ZFPM2: variants seen among roughly 807,000 people sequenced by gnomAD.
ZFPM2 encodes zinc finger protein ZFPM2.
In ZFPM2, 20 loss-of-function variants were observed where a neutral mutation model predicts 98.6. That is an observed-to-expected ratio of 0.20 (90% CI 0.14 to 0.29). The LOEUF is 0.29. Ranked by LOEUF, ZFPM2 falls within the 10% of genes least tolerant of loss-of-function variation. The pLI is 1.00. For synonymous variants in ZFPM2, 518 were observed against 502.7 expected (o/e 1.03, Z -0.41); for missense variants, 1,310 against 1,388.6 (o/e 0.94, Z 0.90).
intron 1 of ZFPM2, among the ~76,000 whole-genome samples, chr8:105,403,000 C>A (rs574073952): frequency 6.6e-6 from 1 of 151,672 alleles, no homozygotes; most frequent in Non-Finnish European, 1.5e-5. Flanking sequence ...TTTTGTTGTT[C>A]TTTATTTTTT....
intron 4 of ZFPM2, among the ~76,000 whole-genome samples, chr8:105,613,872 A>T (rs1353841433): frequency 1.3e-5 from 2 of 152,324 alleles, no homozygotes; most frequent in East Asian, 3.9e-4. Flanking sequence ...TGGAAGGTAC[A>T]TGAGAAGTTA....
At chr8:105,634,192 A>G (rs1816803683) in intron 4 of ZFPM2, 54 bp from the exon 5 acceptor site, 1 of 1,349,024 alleles carries the variant, frequency 7.4e-7, no homozygotes. Context: ...TTATTATTCA[A>G]GTTTTTAATC....
intron 3 of ZFPM2, among the ~76,000 whole-genome samples, chr8:105,479,115 T>C (rs1813067253): frequency 6.6e-6 from 1 of 152,236 alleles, no homozygotes; most frequent in South Asian, 2.1e-4. Context: ...TGATCTTAGC[T>C]GACGATGGTA....
At chr8:105,682,341 G>A (rs563742541) in intron 5 of ZFPM2, among the ~76,000 whole-genome samples, 5 of 152,270 alleles carry the variant, frequency 3.3e-5, no homozygotes, top group Non-Finnish European at 7.4e-5. Flanking sequence ...ACCCATGATG[G>A]ACATCTGGGG....
At chr8:105,625,667 G>A (rs1173026526) in intron 4 of ZFPM2, among the ~76,000 whole-genome samples, 5 of 150,650 alleles carry the variant, frequency 3.3e-5, no homozygotes, top group African/African-American at 9.8e-5. Context: ...TGCAACCTCC[G>A]CCTCCCAGGT....
chr8:105,689,976 T>G (rs1282374381), intron 5 of ZFPM2, among the ~76,000 whole-genome samples: 1 of 152,146 alleles, frequency 6.6e-6, no homozygotes, highest in Non-Finnish European at 1.5e-5. Context: ...TATTTACTCT[T>G]CCAGTGACAT....
rs147396731 is a variant in ZFPM2, at chr8:105,351,330, T to C, written c.40+32349T>C. Among the ~76,000 whole-genome samples, 21 of 151,382 alleles carry C rather than the reference T, an allele frequency of 1.4e-4. No individual in the cohort carries two copies. In the East Asian group the frequency reaches 3.3e-3, roughly 24 times the overall value. ...GCTATACTATATTTTAAAATTAGTG[T>C]TCTCTTTTATAGTTGCATTATTTCG... On this transcript the variant is annotated intron_variant, in intron 1 of 7. Transcript: ENST00000407775.
chr8:105,534,117 C>T (rs1024765443), intron 3 of ZFPM2, among the ~76,000 whole-genome samples: 4 of 21,630 alleles, frequency 1.8e-4, no homozygotes, highest in South Asian at 2.7e-3. Flanking sequence ...CTTCCTTCCT[C>T]CCTTCCTTCC....
chr8:105,438,588 A>AT, intron 2 of ZFPM2, among the ~76,000 whole-genome samples: 1 of 152,160 alleles, frequency 6.6e-6, no homozygotes, highest in East Asian at 1.9e-4. Context: ...TTAATAAAAT[A>AT]TTTTGGGGTA....
intron 3 of ZFPM2, 58 bp from the exon 4 acceptor site, chr8:105,561,305 G>T: frequency 3.1e-6 from 4 of 1,304,838 alleles, no homozygotes; most frequent in Non-Finnish European, 4.4e-6. Context: ...ACAAAAAGAG[G>T]TGGCTGCTGA....
chr8:105,665,416 A>T (rs1234355351), intron 5 of ZFPM2, among the ~76,000 whole-genome samples: 1 of 152,086 alleles, frequency 6.6e-6, no homozygotes, highest in Admixed American at 6.5e-5. Context: ...TAATTGTTGG[A>T]TTTTGTGTTT....
At chr8:105,477,237 C>CT (rs397891589) in intron 3 of ZFPM2, among the ~76,000 whole-genome samples, 2,140 of 74,332 alleles carry the variant, frequency 0.029, 119 homozygotes, top group African/African-American at 0.069. Context: ...TGCTAGCAAT[C>CT]TTTTTTTTTT....
chr8:105,635,101 T>C (rs182007609), intron 5 of ZFPM2, among the ~76,000 whole-genome samples: 1 of 152,300 alleles, frequency 6.6e-6, no homozygotes, highest in Non-Finnish European at 1.5e-5. Flanking sequence ...AGCTCTGTAC[T>C]CTTACAGTAT....
At chr8:105,722,172 G>A (rs1456987914) in intron 5 of ZFPM2, among the ~76,000 whole-genome samples, 2 of 151,550 alleles carry the variant, frequency 1.3e-5, no homozygotes, top group Admixed American at 1.3e-4. Flanking sequence ...CAACACAAAG[G>A]CCTTGTACCC....
At chr8:105,778,772 A>C (rs1348505810) in intron 5 of ZFPM2, among the ~76,000 whole-genome samples, 1 of 152,202 alleles carries the variant, frequency 6.6e-6, no homozygotes, top group African/African-American at 2.4e-5. Flanking sequence ...ATTTTATGCA[A>C]GAGCTATTTA....
intron 3 of ZFPM2, among the ~76,000 whole-genome samples, chr8:105,558,672 A>C (rs144346641): frequency 6.6e-6 from 1 of 152,296 alleles, no homozygotes; most frequent in East Asian, 1.9e-4. Flanking sequence ...TTTTCAAATG[A>C]AATATGTCAG....
chr8:105,694,266 C>G (rs377684697), intron 5 of ZFPM2, among the ~76,000 whole-genome samples: 15 of 152,008 alleles, frequency 9.9e-5, no homozygotes, highest in South Asian at 4.2e-4. Context: ...GATTACAGGC[C>G]TGAGCCACCG....
intron 4 of ZFPM2, among the ~76,000 whole-genome samples, chr8:105,577,947 A>T (rs188909247): frequency 6.6e-6 from 1 of 152,082 alleles, no homozygotes; most frequent in African/African-American, 2.4e-5. Context: ...TTGCAATTTT[A>T]CAAGATTCAA....
chr8:105,473,191 A>G (rs2130356076), intron 3 of ZFPM2, among the ~76,000 whole-genome samples: 1 of 152,208 alleles, frequency 6.6e-6, no homozygotes, highest in Admixed American at 6.5e-5. Flanking sequence ...ATAGACTGAG[A>G]TCATAGGCCT....
Sources: gnomAD v4.1 joint callset for allele counts (sites outside exome capture counted in the v4.1 genomes callset) on GRCh38, gnomAD v4.1.1 for gene constraint, MANE v1.5 for transcripts, NCBI Gene and HGNC (gene_info 2026-07-23, HGNC 2026-07-21) for gene names.